Variants in HHIP observed in about 807,000 individuals in gnomAD.
HHIP encodes hedgehog-interacting protein.
HHIP carries 12 observed loss-of-function variants against 74.0 expected under a neutral mutation model. The observed-to-expected ratio is 0.16, with a 90% CI of 0.10 to 0.26. The LOEUF is 0.26. Among genes scored for constraint, HHIP ranks in the 10% least tolerant of loss-of-function variants. The pLI, the probability that HHIP is intolerant of heterozygous loss-of-function variation, is 1.00. For missense variants in HHIP, 788 were observed against 845.0 expected, an observed-to-expected ratio of 0.93 and a Z score of 0.84; for synonymous variants, 309 against 311.6, an observed-to-expected ratio of 0.99 and a Z score of 0.09.
intron 2 of HHIP, among the ~76,000 whole-genome samples, chr4:144,656,057 A>G (rs1031553640): frequency 1.3e-5 from 2 of 152,210 alleles, no homozygotes; most frequent in African/African-American, 2.4e-5. Flanking sequence ...TGAGCTAAAC[A>G]TGCACTTTCA....
intron 7 of HHIP, among the ~76,000 whole-genome samples, chr4:144,711,333 G>A (rs1730296161): frequency 6.6e-6 from 1 of 151,962 alleles, no homozygotes; most frequent in African/African-American, 2.4e-5. Context: ...TTTTTTTTAT[G>A]TTATTTTACC....
intron 8 of HHIP, among the ~76,000 whole-genome samples, chr4:144,712,760 T>C (rs1211351721): frequency 6.6e-6 from 1 of 152,096 alleles, no homozygotes; most frequent in South Asian, 2.1e-4. Flanking sequence ...GGAAACACAG[T>C]AGATTAAGAT....
intron 11 of HHIP, among the ~76,000 whole-genome samples, chr4:144,734,032 T>A (rs1274210811): frequency 6.6e-6 from 1 of 151,898 alleles, no homozygotes; most frequent in African/African-American, 2.4e-5. Context: ...AAATTATTTA[T>A]ATATACATAT....
At chr4:144,719,039 C>A in intron 11 of HHIP, 83 bp downstream of exon 11, 1 of 846,926 alleles carries the variant, frequency 1.2e-6, no homozygotes, top group South Asian at 1.4e-5. Context: ...ATAGGAATGT[C>A]ACAATTAGCA....
intron 4 of HHIP, among the ~76,000 whole-genome samples, chr4:144,699,402 G>A (rs34958276): frequency 0.5 from 76,520 of 151,956 alleles, 20,375 homozygotes; most frequent in South Asian, 0.77. Flanking sequence ...CTCTGGGTGT[G>A]CCACTCTCTG....
chr4:144,684,154 C>T (rs1192486551), intron 4 of HHIP, among the ~76,000 whole-genome samples: 6 of 149,236 alleles, frequency 4.0e-5, no homozygotes, highest in Admixed American at 4.0e-4. Flanking sequence ...GGGCGGATCA[C>T]CTGAGGTCAG....
Position 144,738,318 on chromosome 4 carries a change from A to AATT in HHIP, c.*362_*363insTTA. 2 of 982,296 alleles carry AATT rather than the reference A, an allele frequency of 2.0e-6. No homozygotes were observed. Among genetic ancestry groups the AATT allele is most frequent in the Non-Finnish European group, 2.4e-6 (2 of 826,036 alleles). The allele number at this position is 982,296 out of a possible 1,614,324, so 60.8% of individuals were successfully genotyped here. ...CAGGAATTTTCTGTCTGTAATCACT[A>AATT]AAGTCAACTTTAATAGAGTTTTGAA... On this transcript the variant is annotated 3_prime_UTR_variant, in exon 13 of 13. Coordinates refer to ENST00000296575, the MANE Select transcript of HHIP (RefSeq NM_022475.3).
chr4:144,684,754 A>AT (rs1466477633), intron 4 of HHIP, among the ~76,000 whole-genome samples: 4 of 152,108 alleles, frequency 2.6e-5, no homozygotes, highest in African/African-American at 4.8e-5. Flanking sequence ...ATAAGGAGCC[A>AT]TTTTTTATTT....
At chr4:144,706,362 A>C (rs1451530303) in intron 4 of HHIP, among the ~76,000 whole-genome samples, 169 bp from the exon 5 acceptor site, 2 of 152,200 alleles carry the variant, frequency 1.3e-5, no homozygotes, top group Non-Finnish European at 2.9e-5. Flanking sequence ...AGTTCCACAA[A>C]GTGAAATGTT....
intron 4 of HHIP, among the ~76,000 whole-genome samples, chr4:144,686,826 T>A (rs1729500498): frequency 6.6e-6 from 1 of 152,216 alleles, no homozygotes; most frequent in African/African-American, 2.4e-5. Context: ...CTTGTACAGT[T>A]GTCAGAGCTT....
chr4:144,703,158 G>A (rs563657658), intron 4 of HHIP, among the ~76,000 whole-genome samples: 24 of 151,486 alleles, frequency 1.6e-4, no homozygotes, highest in Admixed American at 4.6e-4. Context: ...AGATTGCAGT[G>A]AGCCGAGATT....
intron 8 of HHIP, among the ~76,000 whole-genome samples, chr4:144,713,130 C>T (rs753713481): frequency 6.9e-4 from 105 of 152,052 alleles, no homozygotes; most frequent in Non-Finnish European, 1.2e-3. Flanking sequence ...ATGCCAGACC[C>T]TGTAGTAAGC....
chr4:144,721,307 A>G (rs1217709810), intron 11 of HHIP, among the ~76,000 whole-genome samples: 1 of 151,508 alleles, frequency 6.6e-6, no homozygotes, highest in Non-Finnish European at 1.5e-5. Flanking sequence ...ACACACAAAA[A>G]CACACACACA....
intron 11 of HHIP, among the ~76,000 whole-genome samples, chr4:144,732,379 T>C (rs376110599): frequency 2.6e-5 from 4 of 152,220 alleles, no homozygotes; most frequent in African/African-American, 9.6e-5. Flanking sequence ...GTGAAATAAT[T>C]ACTACATCCG....
At position 144,743,951 on chromosome 4, in the gene HHIP, T is replaced by C. The variant is rs1355231443; in HGVS notation, c.*5994T>C. On this transcript the variant is annotated 3_prime_UTR_variant, in exon 13 of 13. Coordinates refer to ENST00000296575, the MANE Select transcript of HHIP (RefSeq NM_022475.3). ...CTTTATATTCTTAAAATCTGAGACA[T>C]GATTTTTCTGGAACAAATTAAGATT... The C allele has an allele frequency of 6.6e-6, 1 of 152,152 alleles. No homozygotes were observed. The highest frequency in any genetic ancestry group is 1.5e-5 in the Non-Finnish European group (1 of 67,974). 9.4% of individuals were successfully genotyped at this position (152,152 alleles called of 1,614,324 possible). A position where few individuals can be genotyped will look rare whatever the true frequency, so the allele number is the denominator to read the frequency against.
intron 4 of HHIP, among the ~76,000 whole-genome samples, chr4:144,673,907 C>G (rs923001889): frequency 7.2e-5 from 11 of 152,178 alleles, no homozygotes; most frequent in African/African-American, 2.4e-4. Context: ...GAACTGTCCC[C>G]TTTCGTACCT....
chr4:144,727,928 T>C (rs192444833), intron 11 of HHIP, among the ~76,000 whole-genome samples: 1 of 152,294 alleles, frequency 6.6e-6, no homozygotes, highest in African/African-American at 2.4e-5. Flanking sequence ...TCCAGAATTC[T>C]CTGTAACTAG....
chr4:144,732,349 T>G lies in HHIP; in HGVS notation c.1761-2392T>G, dbSNP rs1368750918. Among the ~76,000 whole-genome samples, 3 of 151,792 alleles carry G rather than the reference T, an allele frequency of 2.0e-5. No individual in the cohort carries two copies. The East Asian group carries it at 5.8e-4, about 29-fold the overall frequency. On this transcript the variant is annotated intron_variant, in intron 11 of 12. Coordinates refer to ENST00000296575, the MANE Select transcript of HHIP (RefSeq NM_022475.3). Reference sequence around the variant, plus strand: ...TACAGCCACACAGTCTTATATAAATTAAAGTAAACAAGCCCAGGTGTGAAA... The same window carrying G: ...TACAGCCACACAGTCTTATATAAATGAAAGTAAACAAGCCCAGGTGTGAAA...
intron 4 of HHIP, among the ~76,000 whole-genome samples, chr4:144,702,827 A>C (rs184250898): frequency 2.0e-5 from 3 of 152,328 alleles, no homozygotes; most frequent in East Asian, 1.9e-4. Context: ...CAGTGCTAAT[A>C]ATGAAGTACA....
Sources: gnomAD v4.1 joint callset for allele counts (sites outside exome capture counted in the v4.1 genomes callset) on GRCh38, gnomAD v4.1.1 for gene constraint, MANE v1.5 for transcripts, NCBI Gene and HGNC (gene_info 2026-07-23, HGNC 2026-07-21) for gene names.